Variants in GAD2 observed in about 807,000 individuals in gnomAD.
The protein encoded by GAD2 is glutamate decarboxylase 2.
GAD2 carries 22 observed loss-of-function variants against 80.1 expected under a neutral mutation model. The observed-to-expected ratio is 0.27, with a 90% CI of 0.20 to 0.39. The LOEUF is 0.39. Among genes scored for constraint, GAD2 ranks in the 10% least tolerant of loss-of-function variants. The pLI, the probability that GAD2 is intolerant of heterozygous loss-of-function variation, is 1.00. For synonymous variants in GAD2, 274 were observed against 256.9 expected, an observed-to-expected ratio of 1.07 and a Z score of -0.64; for missense variants, 624 against 738.4, an observed-to-expected ratio of 0.85 and a Z score of 1.80.
intron 11 of GAD2, among the ~76,000 whole-genome samples, chr10:26,274,977 C>G (rs1180785793): frequency 6.6e-6 from 1 of 152,198 alleles, no homozygotes; most frequent in Non-Finnish European, 1.5e-5. Context: ...CATTTAGATG[C>G]CAGTGGATGA....
upstream of GAD2, chr10:26,216,700 G>T (rs1844375300): frequency 1.3e-5 from 10 of 740,836 alleles, no homozygotes; most frequent in African/African-American, 1.9e-5. The surrounding 1 kb of genome is among the most constrained non-coding windows in gnomAD (Gnocchi z 4.7). Context: ...CGGTCCCCGC[G>T]CGGTGCCCTC....
chr10:26,231,333 T>A (rs754414293), intron 7 of GAD2, among the ~76,000 whole-genome samples: 7 of 152,166 alleles, frequency 4.6e-5, no homozygotes, highest in Non-Finnish European at 1.0e-4. Context: ...TTCTATTTCC[T>A]ATTTTAAGTG....
chr10:26,265,761 G>A (rs150943017), intron 8 of GAD2, among the ~76,000 whole-genome samples: 68 of 152,278 alleles, frequency 4.5e-4, no homozygotes, highest in Non-Finnish European at 8.5e-4. Flanking sequence ...TGGAACAGTC[G>A]CCATCCAAAG....
intron 8 of GAD2, among the ~76,000 whole-genome samples, chr10:26,254,585 G>C (rs944889759): frequency 1.3e-5 from 2 of 152,190 alleles, no homozygotes; most frequent in African/African-American, 2.4e-5. Context: ...GAGAGGACTT[G>C]GTCAGAATGT....
intron 12 of GAD2, among the ~76,000 whole-genome samples, chr10:26,284,721 A>G (rs1396813457): frequency 6.6e-6 from 1 of 151,454 alleles, no homozygotes; most frequent in Admixed American, 6.6e-5. Context: ...ACAGGCACCC[A>G]CCACCGCCCA....
intron 7 of GAD2, among the ~76,000 whole-genome samples, chr10:26,237,905 GC>G (rs1844694370): frequency 6.6e-6 from 1 of 151,732 alleles, no homozygotes; most frequent in Non-Finnish European, 1.5e-5. Context: ...TACTTGGGAG[GC>G]TGAGGCAGGA....
intron 3 of GAD2, 30 bp downstream of exon 3, chr10:26,218,021 C>T: frequency 6.4e-7 from 1 of 1,568,264 alleles, no homozygotes; most frequent in South Asian, 1.2e-5. Context: ...CCCCGGGGCG[C>T]CCCTGCCCCT....
rs1034328369 is a variant in GAD2 at position 26,217,582 on chromosome 10, C to G, written c.77-28C>G. 1.1e-5 allele frequency: 18 copies of G among 1,602,380 alleles called. No homozygotes were observed. In the South Asian group the frequency reaches 2.0e-4, roughly 18 times the overall value. ...CGTCTGTTGTTCTCTTTCTGCCTCG[C>G]TGTCTGCCTGCCTATTCTTCCTTGC... On this transcript the variant is annotated intron_variant, in intron 1 of 15. Coordinates refer to ENST00000376261, the MANE Select transcript of GAD2 (RefSeq NM_001134366.2). This position sits in a 1 kb window ranked among gnomAD's most constrained non-coding sequence, Gnocchi z 4.9.
At chr10:26,287,344 C>T (rs980359719) in intron 13 of GAD2, among the ~76,000 whole-genome samples, 3 of 151,836 alleles carry the variant, frequency 2.0e-5, no homozygotes, top group African/African-American at 2.4e-5. Flanking sequence ...AGAAAGGGGG[C>T]GATTAAAGGT....
chr10:26,275,846 C>T (rs890618116), intron 11 of GAD2, among the ~76,000 whole-genome samples: 9 of 152,156 alleles, frequency 5.9e-5, no homozygotes, highest in Non-Finnish European at 1.2e-4. Flanking sequence ...ACAGAGGATC[C>T]TGAATGCCAT....
At chr10:26,274,074 TA>T (rs8190732) in intron 11 of GAD2, among the ~76,000 whole-genome samples, 3 of 152,180 alleles carry the variant, frequency 2.0e-5, no homozygotes, top group African/African-American at 7.2e-5. Flanking sequence ...TCATGTTTCA[TA>T]AAAGGATAAT....
chr10:26,218,259 C>T (rs7893194), intron 3 of GAD2: 22,943 of 374,868 alleles, frequency 0.061, 4,626 homozygotes, highest in African/African-American at 0.43. Context: ...GGGTGGCCGA[C>T]GATCCAGGCG....
In GAD2 at chr10:26,285,651, C is replaced by G. The variant is rs145085393; in HGVS notation, c.1237-694C>G. On this transcript the variant is annotated intron_variant, in intron 12 of 15. Coordinates refer to ENST00000376261, the MANE Select transcript of GAD2 (RefSeq NM_001134366.2). ...ATTGACGATGAAACTTTCCACTTAT[C>G]TATCTCAAGGAACTGAGTATGCGAA... Among the ~76,000 whole-genome samples, 5 of 152,334 alleles carry G rather than the reference C, an allele frequency of 3.3e-5. No homozygotes were observed. In the East Asian group the frequency reaches 9.6e-4, roughly 29 times the overall value.
At chr10:26,260,156 G>T (rs1172997089) in intron 8 of GAD2, among the ~76,000 whole-genome samples, 2 of 152,060 alleles carry the variant, frequency 1.3e-5, no homozygotes, top group Non-Finnish European at 2.9e-5. Context: ...CGACTTGCAT[G>T]CCTTAGAAAT....
intron 11 of GAD2, among the ~76,000 whole-genome samples, chr10:26,279,952 A>T (rs1411902868): frequency 6.6e-6 from 1 of 152,250 alleles, no homozygotes; most frequent in African/African-American, 2.4e-5. Flanking sequence ...GAAAGGAAAG[A>T]TCGAGTTAAG....
chr10:26,270,154 G>A (rs189972284), intron 9 of GAD2, among the ~76,000 whole-genome samples: 5 of 152,280 alleles, frequency 3.3e-5, no homozygotes, highest in East Asian at 1.9e-4. Flanking sequence ...TAGCCGCTCC[G>A]TGCTGAAACG....
intron 15 of GAD2, among the ~76,000 whole-genome samples, chr10:26,298,829 C>A (rs1316621877): frequency 6.6e-6 from 1 of 152,188 alleles, no homozygotes; most frequent in Non-Finnish European, 1.5e-5. Context: ...CCTCACAACA[C>A]AAAGGATAAA....
In GAD2 at chr10:26,217,497, G is replaced by A. The variant is rs1844390789; in HGVS notation, c.77-113G>A. 1.8e-6 allele frequency: 2 copies of A among 1,132,236 alleles called. No individual in the cohort carries two copies. The highest frequency in any genetic ancestry group is 1.5e-5 in the African/African-American group (1 of 64,870). The allele number at this position is 1,132,236 out of a possible 1,614,324, so 70.1% of individuals were successfully genotyped here. A position where few individuals can be genotyped will look rare whatever the true frequency, so the allele number is the denominator to read the frequency against. ...GTCCTGAGCGGCCCCCAGGAGGAAG[G>A]CGGCCCCTCCTAGGACCCCGGACTG... On this transcript the variant is annotated intron_variant, in intron 1 of 15. Coordinates refer to ENST00000376261, the MANE Select transcript of GAD2 (RefSeq NM_001134366.2). The surrounding 1 kb of genome is among the most constrained non-coding windows in gnomAD (Gnocchi z 4.9).
chr10:26,236,305 T>TC (rs1198024260), intron 7 of GAD2, among the ~76,000 whole-genome samples: 3 of 149,586 alleles, frequency 2.0e-5, no homozygotes, highest in African/African-American at 7.3e-5. Flanking sequence ...CTTTTTTCTT[T>TC]TTTTTTTTTT....
Sources: gnomAD v4.1 joint callset for allele counts (sites outside exome capture counted in the v4.1 genomes callset) on GRCh38, gnomAD v4.1.1 for gene constraint, Gnocchi (gnomAD v3.1) non-coding constraint, MANE v1.5 for transcripts, NCBI Gene and HGNC (gene_info 2026-07-23, HGNC 2026-07-21) for gene names.